The following NALF1 variants were observed in gnomAD, a reference collection of about 807,000 sequenced individuals.
The protein encoded by NALF1 is NALCN channel auxiliary factor 1, also known as family with sequence similarity 155 member A.
A neutral mutation model predicts 48.4 loss-of-function variants in NALF1; 3 were observed. The observed-to-expected ratio is 0.06, with a 90% CI of 0.03 to 0.16. The LOEUF (loss-of-function observed/expected upper bound fraction) is 0.16, where lower values mean the gene tolerates loss of function less well. Ranked by LOEUF, NALF1 falls within the 10% of genes least tolerant of loss-of-function variation. The pLI is 1.00. For synonymous variants in NALF1, 262 were observed against 245.7 expected (o/e 1.07, Z -0.62); for missense variants, 526 against 571.5 (o/e 0.92, Z 0.81).
chr13:107,767,307 G>A lies in NALF1; in HGVS notation c.915+98375C>T, dbSNP rs141396103. Among the ~76,000 whole-genome samples, 14 of 152,228 alleles carry A rather than the reference G, an allele frequency of 9.2e-5. No homozygotes were observed. The East Asian group carries it at 2.3e-3, about 25-fold the overall frequency. On this transcript the variant is annotated intron_variant, in intron 1 of 2. Coordinates refer to ENST00000375915, the MANE Select transcript of NALF1 (RefSeq NM_001080396.3). ...GTCACTTCCTGTCACTTGCCTCCAGGGCCAGATGAAATTAAGTCAAGGACT... is the reference window on the plus strand; with the variant it reads ...GTCACTTCCTGTCACTTGCCTCCAGAGCCAGATGAAATTAAGTCAAGGACT...
chr13:107,750,156 T>C (rs1341368), intron 1 of NALF1, among the ~76,000 whole-genome samples: 137,962 of 152,180 alleles, frequency 0.91, 62,793 homozygotes, highest in South Asian at 0.96. Flanking sequence ...AACCTCACAG[T>C]CAGTGCATGG....
intron 1 of NALF1, among the ~76,000 whole-genome samples, chr13:107,436,771 AAAG>A (rs979995660): frequency 1.1e-4 from 17 of 152,320 alleles, no homozygotes; most frequent in East Asian, 5.8e-4. Flanking sequence ...TAAAGTTTAG[AAAG>A]AAGAAGTAAA....
intron 1 of NALF1, among the ~76,000 whole-genome samples, chr13:107,529,413 G>A (rs534428577): frequency 6.6e-6 from 1 of 152,316 alleles, no homozygotes; most frequent in Admixed American, 6.5e-5. Flanking sequence ...ATGGCAGAAA[G>A]GGAATTTGAA....
In NALF1 at chr13:107,831,063, G is replaced by A. The variant is rs919989698; in HGVS notation, c.915+34619C>T. On this transcript the variant is annotated intron_variant, in intron 1 of 2. Coordinates refer to ENST00000375915, the MANE Select transcript of NALF1 (RefSeq NM_001080396.3). The stretch of plus-strand genomic sequence containing the variant: ...GTAAAAGATTCCTGCAAAGAAACTG[G>A]GACTGAAGAGTGTCCTCAAAATAGA... Among the ~76,000 whole-genome samples the A allele has an allele frequency of 2.6e-4, 40 of 152,090 alleles. 1 individual carries two copies. The highest frequency in any genetic ancestry group is 2.9e-5 in the Non-Finnish European group (2 of 68,008).
chr13:107,424,916 CCTTAGCATTTA>C (rs1884254029), intron 1 of NALF1, among the ~76,000 whole-genome samples: 1 of 152,122 alleles, frequency 6.6e-6, no homozygotes, highest in Non-Finnish European at 1.5e-5. Context: ...TGTCTATGTT[CCTTAGCATTTA>C]CATATAAATG....
chr13:107,692,127 T>C (rs1275641362), intron 1 of NALF1, among the ~76,000 whole-genome samples: 1 of 152,214 alleles, frequency 6.6e-6, no homozygotes, highest in Non-Finnish European at 1.5e-5. Context: ...AGATGAGACA[T>C]ATTAAGATTT....
In NALF1 at chr13:107,844,663, C is replaced by T. The variant is rs556517981; in HGVS notation, c.915+21019G>A. 5.9e-5 allele frequency among the ~76,000 whole-genome samples: 9 copies of T among 152,152 alleles called. No individual in the cohort carries two copies. The South Asian group carries it at 8.3e-4, about 14-fold the overall frequency. On this transcript the variant is annotated intron_variant, in intron 1 of 2. Transcript: ENST00000375915. The stretch of plus-strand genomic sequence containing the variant: ...CTTTGATTTGAAGAAATCCAACAAC[C>T]GATAGTTTGACAATGGAATGAATAC...
intron 1 of NALF1, among the ~76,000 whole-genome samples, chr13:107,662,101 T>A (rs144567840): frequency 6.6e-6 from 1 of 152,342 alleles, no homozygotes; most frequent in South Asian, 2.1e-4. Context: ...TAAAATCAAA[T>A]CCTTCCTCTT....
chr13:107,837,054 G>A (rs1268053492), intron 1 of NALF1, among the ~76,000 whole-genome samples: 4 of 152,064 alleles, frequency 2.6e-5, no homozygotes, highest in East Asian at 3.9e-4. Flanking sequence ...TTTCTGCTAC[G>A]ATCTCTTTAA....
intron 1 of NALF1, among the ~76,000 whole-genome samples, chr13:107,237,921 G>C (rs1880387067): frequency 6.6e-6 from 1 of 152,154 alleles, no homozygotes; most frequent in South Asian, 2.1e-4. Flanking sequence ...AGAGAGATTG[G>C]TGTTTAATAT....
intron 1 of NALF1, among the ~76,000 whole-genome samples, chr13:107,534,917 G>T (rs1876756085): frequency 6.6e-6 from 1 of 152,094 alleles, no homozygotes; most frequent in Admixed American, 6.6e-5. Flanking sequence ...GATTTCTGCA[G>T]GTTGTTGGTG....
At chr13:107,332,180 C>T (rs1005314729) in intron 1 of NALF1, among the ~76,000 whole-genome samples, 4 of 151,922 alleles carry the variant, frequency 2.6e-5, no homozygotes, top group Non-Finnish European at 5.9e-5. Context: ...CAATAAAGAC[C>T]CCACTTTCAA....
intron 1 of NALF1, among the ~76,000 whole-genome samples, chr13:107,729,881 C>A (rs182393053): frequency 2.1e-4 from 32 of 152,246 alleles, no homozygotes; most frequent in South Asian, 4.1e-4. Flanking sequence ...ATTAGATGGA[C>A]CTTGATAGAT....
intron 1 of NALF1, among the ~76,000 whole-genome samples, chr13:107,319,984 G>A (rs955253299): frequency 3.3e-5 from 5 of 152,100 alleles, no homozygotes; most frequent in African/African-American, 1.2e-4. Flanking sequence ...ACACACCAAA[G>A]TTGAGGCATT....
chr13:107,360,227 G>A (rs527779016), intron 1 of NALF1, among the ~76,000 whole-genome samples: 2 of 152,296 alleles, frequency 1.3e-5, no homozygotes, highest in African/African-American at 2.4e-5. Context: ...TGTGCATAGA[G>A]TTGCTAGTCA....
chr13:107,589,347 G>C (rs1192039873), intron 1 of NALF1, among the ~76,000 whole-genome samples: 1 of 152,062 alleles, frequency 6.6e-6, no homozygotes, highest in African/African-American at 2.4e-5. Context: ...CTAAATTTTG[G>C]TAGCTTTTTA....
At chr13:107,685,617 T>C (rs1341068455) in intron 1 of NALF1, among the ~76,000 whole-genome samples, 1 of 152,212 alleles carries the variant, frequency 6.6e-6, no homozygotes, top group East Asian at 1.9e-4. Context: ...CAGTCTTTTA[T>C]GACATGGAAT....
At chr13:107,435,609 T>C (rs1884451202) in intron 1 of NALF1, among the ~76,000 whole-genome samples, 1 of 152,188 alleles carries the variant, frequency 6.6e-6, no homozygotes, top group African/African-American at 2.4e-5. Flanking sequence ...AAAAAATTAT[T>C]ACAATAGTAC....
At chr13:107,771,653 T>C (rs1327438495) in intron 1 of NALF1, among the ~76,000 whole-genome samples, 2 of 152,126 alleles carry the variant, frequency 1.3e-5, no homozygotes, top group Non-Finnish European at 2.9e-5. Flanking sequence ...TGTAGATGTT[T>C]ACTGTTAAGG....
Sources: gnomAD v4.1 joint callset for allele counts (sites outside exome capture counted in the v4.1 genomes callset) on GRCh38, gnomAD v4.1.1 for gene constraint, MANE v1.5 for transcripts, NCBI Gene and HGNC (gene_info 2026-07-23, HGNC 2026-07-21) for gene names.